The following NUP93 variants were observed in gnomAD, a reference collection of about 807,000 sequenced individuals.
The protein encoded by NUP93 is nucleoporin 93.
Under a neutral mutation model 107.8 loss-of-function variants are expected in NUP93, and 55 were observed. The ratio of observed to expected loss-of-function variants is 0.51; its 90% CI spans 0.41 to 0.64. The LOEUF (loss-of-function observed/expected upper bound fraction) is 0.64, where lower values mean the gene tolerates loss of function less well. Among genes scored for constraint, NUP93 ranks in the 30% least tolerant of loss-of-function variants. The pLI is 0.00. For missense variants in NUP93, 937 were observed against 1,044.7 expected (o/e 0.90, Z 1.42); for synonymous variants, 390 against 397.5 (o/e 0.98, Z 0.22).
At chr16:56,814,711 A>C (rs1185826696) in intron 5 of NUP93, among the ~76,000 whole-genome samples, 1 of 152,108 alleles carries the variant, frequency 6.6e-6, no homozygotes, top group African/African-American at 2.4e-5. Context: ...GTTTTTCCAC[A>C]TATCTGTCTC....
At chr16:56,828,845 T>C in intron 8 of NUP93, 132 bp from the exon 9 acceptor site, 1 of 832,968 alleles carries the variant, frequency 1.2e-6, no homozygotes, top group South Asian at 1.6e-5. Context: ...ATGTACTATT[T>C]CCTCTTCTGC....
intron 2 of NUP93, among the ~76,000 whole-genome samples, chr16:56,751,106 A>G (rs1393652425): frequency 6.6e-6 from 1 of 151,800 alleles, no homozygotes; most frequent in Non-Finnish European, 1.5e-5. Flanking sequence ...TCAATTGCAT[A>G]TCCCTCTTTT....
intron 1 of NUP93, among the ~76,000 whole-genome samples, chr16:56,735,919 A>G (rs1961606432): frequency 6.6e-6 from 1 of 151,960 alleles, no homozygotes; most frequent in African/African-American, 2.4e-5. Context: ...CCCATGTTCT[A>G]GCATGTAAGA....
Position 56,832,344 on chromosome 16 carries a change from G to A in NUP93, c.1301G>A (p.Arg434Lys). 1.9e-6 allele frequency: 3 copies of A among 1,614,158 alleles called. No homozygotes were observed. The highest frequency in any genetic ancestry group is 2.5e-6 in the Non-Finnish European group (3 of 1,180,008). ...GATGGCACCAGCTCCCCACAAGACAGGCTCACTCTCTCACAGTTCCAGAAG... is the reference window on the plus strand; with the variant it reads ...GATGGCACCAGCTCCCCACAAGACAAGCTCACTCTCTCACAGTTCCAGAAG... The part of the protein sequence containing the change: ...DDDGTSSPQD[R>K]LTLSQFQKQL... The change falls in exon 12 of 22, where the codon AGG becomes AAG. Residue 434 changes from arginine (R) to lysine (K), a missense_variant. Arg to Lys is a conservative substitution (Grantham distance 26). Transcript: ENST00000308159.
At chr16:56,770,447 C>T (rs1489462753) in intron 3 of NUP93, among the ~76,000 whole-genome samples, 1 of 152,124 alleles carries the variant, frequency 6.6e-6, no homozygotes, top group Non-Finnish European at 1.5e-5. Context: ...AGTGAGATGA[C>T]AAAAACATTA....
intron 1 of NUP93, among the ~76,000 whole-genome samples, chr16:56,733,749 G>C (rs1470879392): frequency 1.3e-5 from 2 of 152,134 alleles, no homozygotes; most frequent in African/African-American, 2.4e-5. Flanking sequence ...AGTCCTCCTA[G>C]CTCACTTATT....
At chr16:56,814,605 G>T (rs1250231702) in intron 5 of NUP93, among the ~76,000 whole-genome samples, 1 of 152,160 alleles carries the variant, frequency 6.6e-6, no homozygotes, top group African/African-American at 2.4e-5. Flanking sequence ...GTTCCCTCCT[G>T]CCACTTTCGG....
In NUP93 at chr16:56,823,813, T is replaced by C; in HGVS notation, c.761T>C (p.Phe254Ser). ...NRSSVEVRMEFVRQALAYLEQ... is the reference protein window; with the variant it reads ...NRSSVEVRMESVRQALAYLEQ... ...AGCAGCGTGGAAGTGCGCATGGAGT[T>C]TGTCAGGCAGGCCTTGGCGTACCTT... The change falls in exon 8 of 22, where the codon TTT becomes TCT. Residue 254 changes from phenylalanine (F) to serine (S), a missense_variant. Phe to Ser is a radical substitution (Grantham distance 155). Coordinates refer to ENST00000308159, the MANE Select transcript of NUP93 (RefSeq NM_014669.5). The C allele has an allele frequency of 6.2e-7, 1 of 1,614,062 alleles. No individual in the cohort carries two copies. Among genetic ancestry groups the C allele is most frequent in the Non-Finnish European group, 8.5e-7 (1 of 1,180,002 alleles).
chr16:56,765,315 C>T lies in NUP93; in HGVS notation c.297+6660C>T, dbSNP rs77356077. Among the ~76,000 whole-genome samples the T allele has an allele frequency of 6.1e-3, 922 of 152,196 alleles. 13 individuals are homozygous for T. Among genetic ancestry groups the T allele is most frequent in the African/African-American group, 0.021 (880 of 41,526 alleles). On this transcript the variant is annotated intron_variant, in intron 3 of 21. Transcript: ENST00000308159. ...TCTCCTTTGTTATATTCCTCTTGTC[C>T]CTAAGAGAATGAACAGGATGTTCAT...
chr16:56,736,598 G>A (rs749374788), intron 1 of NUP93, among the ~76,000 whole-genome samples: 1 of 152,196 alleles, frequency 6.6e-6, no homozygotes, highest in Non-Finnish European at 1.5e-5. Context: ...TTAGAACCTG[G>A]GAGACAGAAG....
intron 18 of NUP93, among the ~76,000 whole-genome samples, chr16:56,837,977 A>G (rs1963947965): frequency 6.6e-6 from 1 of 152,194 alleles, no homozygotes; most frequent in Non-Finnish European, 1.5e-5. Context: ...CAGTATTTTA[A>G]TCATGCACAT....
chr16:56,830,824 T>A (rs1286123049), intron 10 of NUP93, 139 bp downstream of exon 10: 1 of 711,640 alleles, frequency 1.4e-6, no homozygotes, highest in Non-Finnish European at 2.1e-6. Context: ...TGAAAGCAAA[T>A]AGAACTCTCT....
chr16:56,839,206 G>T, intron 19 of NUP93, 137 bp downstream of exon 19: 1 of 463,014 alleles, frequency 2.2e-6, no homozygotes, highest in South Asian at 4.0e-5. Flanking sequence ...GTACAATCCT[G>T]GGACTTAAAA....
At chr16:56,842,078 A>AC (rs1207811425) in intron 21 of NUP93, among the ~76,000 whole-genome samples, 7 of 152,352 alleles carry the variant, frequency 4.6e-5, no homozygotes, top group African/African-American at 1.7e-4. Context: ...AACAAATCAA[A>AC]CAGAATGCTA....
chr16:56,730,217 GGTGT>G lies in NUP93; in HGVS notation c.-15+9_-15+12del, dbSNP rs1345838754. 2 of 152,280 alleles carry G rather than the reference GGTGT, an allele frequency of 1.3e-5. No homozygotes were observed. Among genetic ancestry groups the G allele is most frequent in the Admixed American group, 6.5e-5 (1 of 15,290 alleles). The allele number at this position is 152,280 out of a possible 1,614,324, so 9.4% of individuals were successfully genotyped here. On this transcript the variant is annotated splice_region_variant and intron_variant, in intron 1 of 21. Coordinates refer to ENST00000308159, the MANE Select transcript of NUP93 (RefSeq NM_014669.5). ...GGAGACGGCTGTAGCACAAGGTAAG[GGTGT>G]GTCTGGTCGCGTCCTTGCGACCCTG...
chr16:56,844,980 A>AGG lies in NUP93; in HGVS notation c.*371_*372insGG. The AGG allele has an allele frequency of 3.2e-6, 1 of 309,054 alleles. No individual in the cohort carries two copies. The highest frequency in any genetic ancestry group is 5.9e-6 in the Non-Finnish European group (1 of 170,592). The allele number at this position is 309,054 out of a possible 1,614,324, so 19.1% of individuals were successfully genotyped here. A position where few individuals can be genotyped will look rare whatever the true frequency, so the allele number is the denominator to read the frequency against. On this transcript the variant is annotated 3_prime_UTR_variant, in exon 22 of 22. Coordinates refer to ENST00000308159, the MANE Select transcript of NUP93 (RefSeq NM_014669.5). The stretch of plus-strand genomic sequence containing the variant: ...GCCTTTGGGAGTTACTTTTATTTAG[A>AGG]TATAATATTCCATATAGCAGAGTCA...
At chr16:56,812,800 T>C (rs770768560) in intron 5 of NUP93, among the ~76,000 whole-genome samples, 1 of 152,184 alleles carries the variant, frequency 6.6e-6, no homozygotes. Context: ...GTGATGTGAA[T>C]AAAAATGATG....
intron 1 of NUP93, among the ~76,000 whole-genome samples, chr16:56,746,949 A>G (rs1390559691): frequency 1.3e-5 from 2 of 152,186 alleles, no homozygotes; most frequent in Non-Finnish European, 2.9e-5. Context: ...CTATTGTACA[A>G]GTAATTTTTT....
rs575061475 is a variant in NUP93 at position 56,760,010 on chromosome 16, A to G, written c.297+1355A>G. ...AAACTCCATTTTTTTACCTTAAGGT[A>G]TTGACAGGTTTGTAAATGTATTGAG... On this transcript the variant is annotated intron_variant, in intron 3 of 21. Coordinates refer to ENST00000308159, the MANE Select transcript of NUP93 (RefSeq NM_014669.5). Among the ~76,000 whole-genome samples, 32 of 152,332 alleles carry G rather than the reference A, an allele frequency of 2.1e-4. No individual in the cohort carries two copies. The East Asian group carries it at 6.2e-3, about 29-fold the overall frequency.
Sources: gnomAD v4.1 joint callset for allele counts (sites outside exome capture counted in the v4.1 genomes callset) on GRCh38, gnomAD v4.1.1 for gene constraint, MANE v1.5 for transcripts, NCBI Gene and HGNC (gene_info 2026-07-23, HGNC 2026-07-21) for gene names.